The following RANBP2 variants were observed in gnomAD, a reference collection of about 807,000 sequenced individuals.
RANBP2 encodes E3 SUMO-protein ligase RanBP2.
RANBP2 carries 57 observed loss-of-function variants against 303.6 expected under a neutral mutation model. That is an observed-to-expected ratio of 0.19 (90% CI 0.15 to 0.23). The LOEUF is 0.23. Ranked by LOEUF, RANBP2 falls within the 10% of genes least tolerant of loss-of-function variation. RANBP2 has a pLI of 1.00. For missense variants in RANBP2, 3,138 were observed against 3,780.8 expected (o/e 0.83, Z 4.46); for synonymous variants, 1,167 against 1,301.5 (o/e 0.90, Z 2.23).
chr2:109,578,282 TAAGAA>T, the RANBP2 span, among the ~76,000 whole-genome samples: 1 of 151,942 alleles, frequency 6.6e-6, no homozygotes, highest in African/African-American at 2.4e-5. Flanking sequence ...ATATGCTCAA[TAAGAA>T]ACATGTCTAA....
chr2:108,806,391 G>A, the RANBP2 span, among the ~76,000 whole-genome samples: 17 of 152,224 alleles, frequency 1.1e-4, no homozygotes, highest in Non-Finnish European at 2.2e-4. Flanking sequence ...GGGTGGATAT[G>A]TGGATTATTA....
chr2:109,249,534 TCC>T, the RANBP2 span, among the ~76,000 whole-genome samples: 22 of 109,024 alleles, frequency 2.0e-4, no homozygotes, highest in African/African-American at 2.7e-4. Flanking sequence ...TTTCTTTCTT[TCC>T]TTCCTTCCTT....
the RANBP2 span, among the ~76,000 whole-genome samples, chr2:109,365,051 AAAAC>A: frequency 4.5e-3 from 683 of 151,598 alleles, 3 homozygotes; most frequent in African/African-American, 0.015. Context: ...ACACACATAT[AAAAC>A]AAACAAACAA....
chr2:109,076,238 T>G, the RANBP2 span, among the ~76,000 whole-genome samples: 1 of 150,188 alleles, frequency 6.7e-6, no homozygotes, highest in Non-Finnish European at 1.5e-5. Flanking sequence ...AAAATCAATA[T>G]CCATTTATGA....
chr2:109,013,536 C>A, the RANBP2 span, among the ~76,000 whole-genome samples: 1 of 151,770 alleles, frequency 6.6e-6, no homozygotes, highest in African/African-American at 2.4e-5. Flanking sequence ...TAAAGCAATT[C>A]TTTGGCATAC....
the RANBP2 span, chr2:109,437,151 C>T: frequency 3.7e-6 from 6 of 1,605,998 alleles, no homozygotes; most frequent in South Asian, 2.2e-5. Flanking sequence ...CAACAGGTAC[C>T]TTCACAGGGG....
chr2:109,540,227 C>T, the RANBP2 span, among the ~76,000 whole-genome samples: 1 of 152,130 alleles, frequency 6.6e-6, no homozygotes, highest in Non-Finnish European at 1.5e-5. Flanking sequence ...TCCACATGTG[C>T]TCGAGGCATT....
chr2:108,930,487 C>T, the RANBP2 span, among the ~76,000 whole-genome samples: 1 of 152,086 alleles, frequency 6.6e-6, no homozygotes, highest in African/African-American at 2.4e-5. Context: ...CTGGCCAAGC[C>T]CCATCCCACC....
chr2:109,372,533 T>A, the RANBP2 span, among the ~76,000 whole-genome samples: 4 of 152,258 alleles, frequency 2.6e-5, no homozygotes, highest in African/African-American at 7.2e-5. Context: ...TCATTTAATC[T>A]TCTCAGCAAC....
intron 12 of RANBP2, 22 bp downstream of exon 12, chr2:108,752,016 T>C (rs1167682355): frequency 5.6e-6 from 9 of 1,610,784 alleles, no homozygotes; most frequent in Non-Finnish European, 7.6e-6. Flanking sequence ...AGTATAAGCA[T>C]TTTTAAAGAA....
chr2:108,930,080 C>A, the RANBP2 span: 1 of 1,596,684 alleles, frequency 6.3e-7, no homozygotes, highest in Non-Finnish European at 8.6e-7. Context: ...GGAGGCCTCC[C>A]CTGAGAGCGC....
At chr2:109,463,315 C>G in the RANBP2 span, among the ~76,000 whole-genome samples, 2 of 152,224 alleles carry the variant, frequency 1.3e-5, no homozygotes, top group Non-Finnish European at 2.9e-5. Flanking sequence ...ACTTGTCTCA[C>G]GGTATTACCA....
chr2:108,728,100 C>G (rs2557929), intron 1 of RANBP2, among the ~76,000 whole-genome samples: 1 of 152,156 alleles, frequency 6.6e-6, no homozygotes, highest in South Asian at 2.1e-4. Context: ...TAAGTACTTA[C>G]TTATTCTTTC....
chr2:109,144,879 C>G, the RANBP2 span, among the ~76,000 whole-genome samples: 1 of 152,244 alleles, frequency 6.6e-6, no homozygotes, highest in Non-Finnish European at 1.5e-5. Flanking sequence ...CCTCGCTCAG[C>G]AAGCTTTGTT....
At chr2:108,869,894 CAAAG>C in the RANBP2 span, among the ~76,000 whole-genome samples, 2 of 152,072 alleles carry the variant, frequency 1.3e-5, no homozygotes, top group Non-Finnish European at 2.9e-5. Flanking sequence ...GTAGAACACG[CAAAG>C]AAAGGATGAA....
At chr2:108,805,466 C>A in the RANBP2 span, among the ~76,000 whole-genome samples, 2 of 152,142 alleles carry the variant, frequency 1.3e-5, no homozygotes, top group East Asian at 3.9e-4. Flanking sequence ...TGGCTCACGC[C>A]TGTAATCCCA....
chr2:109,743,097 C>A, the RANBP2 span, among the ~76,000 whole-genome samples: 2 of 147,378 alleles, frequency 1.4e-5, no homozygotes, highest in African/African-American at 5.2e-5. Flanking sequence ...ATAGAGAGAC[C>A]CCCTGTCTAC....
chr2:109,205,722 C>T, the RANBP2 span, among the ~76,000 whole-genome samples: 1 of 152,206 alleles, frequency 6.6e-6, no homozygotes, highest in African/African-American at 2.4e-5. Flanking sequence ...CGGGGCAGTG[C>T]ACTTTGCTCA....
At chr2:109,247,810 G>A in the RANBP2 span, among the ~76,000 whole-genome samples, 42 of 152,246 alleles carry the variant, frequency 2.8e-4, 1 homozygote, top group African/African-American at 1.0e-3. Context: ...GTGTTGGCTG[G>A]GGTTACTGGG....
Sources: gnomAD v4.1 joint callset for allele counts (sites outside exome capture counted in the v4.1 genomes callset) on GRCh38, gnomAD v4.1.1 for gene constraint, MANE v1.5 for transcripts, NCBI Gene and HGNC (gene_info 2026-07-23, HGNC 2026-07-21) for gene names.